Variants in RIMS2 observed in about 807,000 individuals in gnomAD.
The protein encoded by RIMS2 is regulating synaptic membrane exocytosis protein 2.
RIMS2 carries 59 observed loss-of-function variants against 174.4 expected under a neutral mutation model. The ratio of observed to expected loss-of-function variants is 0.34; its 90% confidence interval spans 0.27 to 0.42. The LOEUF (loss-of-function observed/expected upper bound fraction) is 0.42. RIMS2 is among the 10% of genes least tolerant of loss of function. The pLI, the probability that RIMS2 is intolerant of heterozygous loss-of-function variation, is 1.00. For missense variants in RIMS2, 1,620 were observed against 1,666.3 expected, an observed-to-expected ratio of 0.97 and a Z score of 0.48; for synonymous variants, 606 against 572.5, an observed-to-expected ratio of 1.06 and a Z score of -0.84.
chr8:103,985,259 A>G lies in RIMS2; in HGVS notation c.2928-4046A>G, dbSNP rs184202451. 2.0e-3 allele frequency among the ~76,000 whole-genome samples: 303 copies of G among 152,146 alleles called. 2 individuals are homozygous for G. Among genetic ancestry groups the G allele is most frequent in the African/African-American group, 6.8e-3 (281 of 41,522 alleles). On this transcript the variant is annotated intron_variant, in intron 16 of 23. Coordinates refer to ENST00000504942, the Ensembl canonical transcript of RIMS2. ...GGGAGGCCAAGGCAGATGGATAATG[A>G]GGTCAGGAGTTCGAGACCAGCCTGG...
chr8:103,879,773 C>T (rs1014261412), intron 3 of RIMS2, among the ~76,000 whole-genome samples: 1 of 151,510 alleles, frequency 6.6e-6, no homozygotes, highest in African/African-American at 2.4e-5. Context: ...TAACACTGGC[C>T]TTTTCTCAGT....
chr8:104,089,943 T>G (rs577638237), intron 19 of RIMS2, among the ~76,000 whole-genome samples: 12 of 151,850 alleles, frequency 7.9e-5, no homozygotes, highest in African/African-American at 2.7e-4. Flanking sequence ...AATCTTTGAC[T>G]TTTAGGTGCT....
At chr8:104,237,169 T>A (rs1158997682) in intron 19 of RIMS2, among the ~76,000 whole-genome samples, 1 of 151,760 alleles carries the variant, frequency 6.6e-6, no homozygotes, top group Non-Finnish European at 1.5e-5. Flanking sequence ...AAATTCAGAG[T>A]TTTTAACAGA....
At chr8:103,665,048 T>A (rs1374717095) in intron 1 of RIMS2, among the ~76,000 whole-genome samples, 2 of 152,116 alleles carry the variant, frequency 1.3e-5, no homozygotes, top group Non-Finnish European at 2.9e-5. Flanking sequence ...ACATCGCATG[T>A]TTTCACTCAT....
chr8:104,019,903 A>G (rs2096041111), intron 19 of RIMS2, among the ~76,000 whole-genome samples: 1 of 152,118 alleles, frequency 6.6e-6, no homozygotes, highest in South Asian at 2.1e-4. Context: ...TTAAGGTAGC[A>G]TTAGTTTGGG....
At chr8:103,507,811 A>G (rs1490682800) in intron 1 of RIMS2, among the ~76,000 whole-genome samples, 1 of 152,100 alleles carries the variant, frequency 6.6e-6, no homozygotes, top group East Asian at 1.9e-4. Flanking sequence ...GAGAATTGAT[A>G]CATTTCCATT....
At chr8:103,617,474 C>T (rs895778078) in intron 1 of RIMS2, among the ~76,000 whole-genome samples, 2 of 152,094 alleles carry the variant, frequency 1.3e-5, no homozygotes, top group Non-Finnish European at 2.9e-5. Context: ...GACAAAGATA[C>T]CAAAAGCAAT....
chr8:103,741,138 T>G (rs2097758036), intron 2 of RIMS2, among the ~76,000 whole-genome samples: 1 of 152,020 alleles, frequency 6.6e-6, no homozygotes, highest in African/African-American at 2.4e-5. Context: ...TACAAATAAT[T>G]AAATATAAGA....
intron 3 of RIMS2, among the ~76,000 whole-genome samples, chr8:103,861,505 G>A (rs949550274): frequency 2.6e-5 from 4 of 152,218 alleles, no homozygotes; most frequent in East Asian, 1.9e-4. Context: ...CCAGTAGTGC[G>A]ATTGCTGGGT....
At chr8:103,681,638 G>A (rs184571889) in intron 1 of RIMS2, among the ~76,000 whole-genome samples, 96 of 152,150 alleles carry the variant, frequency 6.3e-4, no homozygotes, top group Non-Finnish European at 1.3e-3. Flanking sequence ...TTGAAAGAAA[G>A]GCTTTAGCAG....
chr8:103,960,114 T>C (rs2154545289), intron 14 of RIMS2, among the ~76,000 whole-genome samples: 1 of 152,312 alleles, frequency 6.6e-6, no homozygotes, highest in East Asian at 1.9e-4. Context: ...CTAGCAAGAC[T>C]AATAAAGAAT....
At chr8:103,831,236 T>C (rs1043335103) in intron 3 of RIMS2, among the ~76,000 whole-genome samples, 1 of 152,180 alleles carries the variant, frequency 6.6e-6, no homozygotes, top group African/African-American at 2.4e-5. Context: ...GTGTTTATTC[T>C]TGGTTTACAG....
intron 1 of RIMS2, among the ~76,000 whole-genome samples, chr8:103,575,951 A>G (rs890107047): frequency 6.6e-6 from 1 of 152,220 alleles, no homozygotes; most frequent in Non-Finnish European, 1.5e-5. Flanking sequence ...GTTCCCTAGC[A>G]GGAGACTGTC....
At chr8:103,793,882 G>A (rs1355410547) in intron 3 of RIMS2, among the ~76,000 whole-genome samples, 1 of 152,144 alleles carries the variant, frequency 6.6e-6, no homozygotes, top group Admixed American at 6.6e-5. Context: ...CAAGGGATGT[G>A]AAGGACCTCT....
chr8:104,176,038 C>G (rs940004551), intron 19 of RIMS2, among the ~76,000 whole-genome samples: 9 of 152,142 alleles, frequency 5.9e-5, no homozygotes, highest in Non-Finnish European at 1.2e-4. Flanking sequence ...CATTCTCTCT[C>G]TCTGTGTTTC....
rs1052012285 is a variant in RIMS2 at position 103,837,616 on chromosome 8, G to T, written c.699-47682G>T. On this transcript the variant is annotated intron_variant, in intron 3 of 23. Coordinates refer to ENST00000504942, the Ensembl canonical transcript of RIMS2. The stretch of plus-strand genomic sequence containing the variant: ...TATGAGTGAGAACATGCGGTGTTTG[G>T]TTTTTTGTCCTTGCGATAGTTTGCT... 3.3e-5 allele frequency among the ~76,000 whole-genome samples: 5 copies of T among 152,182 alleles called. No homozygotes were observed. The East Asian group carries it at 9.7e-4, about 29-fold the overall frequency.
At chr8:104,124,853 T>TC (rs2098415519) in intron 19 of RIMS2, among the ~76,000 whole-genome samples, 2 of 152,250 alleles carry the variant, frequency 1.3e-5, no homozygotes, top group South Asian at 4.1e-4. Flanking sequence ...ATGATGACAA[T>TC]CAGCATTCTG....
chr8:103,540,498 C>T (rs1378651262), intron 1 of RIMS2, among the ~76,000 whole-genome samples: 9 of 152,156 alleles, frequency 5.9e-5, no homozygotes, highest in African/African-American at 2.2e-4. Context: ...ACCCTTGTAC[C>T]CCCACCATAG....
chr8:104,115,251 T>A (rs1442430554), intron 19 of RIMS2, among the ~76,000 whole-genome samples: 1 of 152,114 alleles, frequency 6.6e-6, no homozygotes, highest in Non-Finnish European at 1.5e-5. Flanking sequence ...GTTCATTAAG[T>A]GTAGTTTCTT....
Sources: gnomAD v4.1 joint callset for allele counts (sites outside exome capture counted in the v4.1 genomes callset) on GRCh38, gnomAD v4.1.1 for gene constraint, MANE v1.5 for transcripts, NCBI Gene and HGNC (gene_info 2026-07-23, HGNC 2026-07-21) for gene names.